SDK1: variants seen among roughly 807,000 people sequenced by gnomAD.
The protein encoded by SDK1 is sidekick cell adhesion molecule 1, also known as protein sidekick-1.
In SDK1, 157 loss-of-function variants were observed where a neutral mutation model predicts 245.5. The observed-to-expected ratio is 0.64, with a 90% CI of 0.56 to 0.73. The LOEUF (loss-of-function observed/expected upper bound fraction) is 0.73, where lower values mean the gene tolerates loss of function less well. SDK1 is among the 30% of genes least tolerant of loss of function. SDK1 has a pLI of 0.00. For missense variants in SDK1, 3,583 were observed against 3,002.3 expected, an observed-to-expected ratio of 1.19 and a Z score of -4.52; for synonymous variants, 1,647 against 1,278.5, an observed-to-expected ratio of 1.29 and a Z score of -6.15.
At chr7:3,541,021 T>C (rs1294006280) in intron 1 of SDK1, among the ~76,000 whole-genome samples, 1 of 152,204 alleles carries the variant, frequency 6.6e-6, no homozygotes, top group East Asian at 1.9e-4. Flanking sequence ...TTTCCTGTCA[T>C]GTTAACTACC....
chr7:3,958,169 A>G (rs1218995096), intron 7 of SDK1: 2 of 353,158 alleles, frequency 5.7e-6, no homozygotes, highest in Non-Finnish European at 5.5e-6. Flanking sequence ...TATCGCACAG[A>G]AAGTGAACAC....
intron 1 of SDK1, among the ~76,000 whole-genome samples, chr7:3,531,702 G>A (rs1330838827): frequency 1.3e-5 from 2 of 152,084 alleles, no homozygotes; most frequent in East Asian, 1.9e-4. Flanking sequence ...CCTCACCTAG[G>A]TAATGACAAT....
chr7:3,729,845 G>A (rs1017249490), intron 4 of SDK1, among the ~76,000 whole-genome samples: 3 of 151,208 alleles, frequency 2.0e-5, no homozygotes, highest in Non-Finnish European at 2.9e-5. Flanking sequence ...CTCGGTTCTC[G>A]GCCTTTTGGC....
intron 35 of SDK1, among the ~76,000 whole-genome samples, chr7:4,191,988 C>T (rs1783236714): frequency 6.6e-6 from 1 of 152,218 alleles, no homozygotes; most frequent in Non-Finnish European, 1.5e-5. Flanking sequence ...CAAACCCTCG[C>T]CCTGCTCCTC....
chr7:3,313,973 T>A (rs1269184486), intron 1 of SDK1, among the ~76,000 whole-genome samples: 3 of 152,210 alleles, frequency 2.0e-5, no homozygotes, highest in Non-Finnish European at 4.4e-5. Flanking sequence ...ATCTAATGCC[T>A]CAGTGAATAA....
intron 2 of SDK1, among the ~76,000 whole-genome samples, chr7:3,636,334 C>T (rs1318203850): frequency 6.6e-6 from 1 of 152,186 alleles, no homozygotes; most frequent in African/African-American, 2.4e-5. Flanking sequence ...TCTCATATGG[C>T]TGAAACTTCC....
At chr7:3,345,067 A>G (rs773015536) in intron 1 of SDK1, among the ~76,000 whole-genome samples, 1 of 152,250 alleles carries the variant, frequency 6.6e-6, no homozygotes, top group Non-Finnish European at 1.5e-5. Context: ...AAGCGTTTAT[A>G]GAAGTCTTTG....
chr7:3,772,773 C>G (rs905166831), intron 4 of SDK1, among the ~76,000 whole-genome samples: 4 of 152,148 alleles, frequency 2.6e-5, no homozygotes, highest in Non-Finnish European at 5.9e-5. Flanking sequence ...GTAACAAACT[C>G]CCTCAACTTT....
At chr7:4,228,492 G>T (rs1422280740) in intron 40 of SDK1, among the ~76,000 whole-genome samples, 1 of 152,226 alleles carries the variant, frequency 6.6e-6, no homozygotes, top group African/African-American at 2.4e-5. Flanking sequence ...GTGATCTGGG[G>T]ATGTGGCTTT....
At chr7:3,618,629 A>G (rs1277295461) in intron 1 of SDK1, among the ~76,000 whole-genome samples, 1 of 152,246 alleles carries the variant, frequency 6.6e-6, no homozygotes, top group Non-Finnish European at 1.5e-5. Flanking sequence ...GTTGCGATTC[A>G]TGTCGTTTAT....
chr7:3,479,239 T>C (rs1408513429), intron 1 of SDK1, among the ~76,000 whole-genome samples: 4 of 151,776 alleles, frequency 2.6e-5, no homozygotes, highest in Admixed American at 2.0e-4. Flanking sequence ...CTGGCCAACG[T>C]GGCAAAACCC....
At chr7:3,322,014 T>G (rs1779827609) in intron 1 of SDK1, among the ~76,000 whole-genome samples, 1 of 151,396 alleles carries the variant, frequency 6.6e-6, no homozygotes. Context: ...CTAAAGTTTT[T>G]TTTTTTTTTC....
At chr7:3,961,996 CACACAT>C (rs1162417905) in intron 8 of SDK1, among the ~76,000 whole-genome samples, 4 of 151,804 alleles carry the variant, frequency 2.6e-5, no homozygotes, top group Non-Finnish European at 4.4e-5. Context: ...CACAAACACA[CACACAT>C]ACACACATGT....
rs1784881926 is a variant in SDK1, at chr7:4,132,281, G to GT, written c.4130-44_4130-43insT. ...CTGTGTAACCTGTCACGCACCCAAG[G>GT]AACACTGTCTTGAGATCTGAATCCC... On this transcript the variant is annotated intron_variant, in intron 27 of 44. Coordinates refer to ENST00000404826, the MANE Select transcript of SDK1 (RefSeq NM_152744.4). 2.0e-6 allele frequency: 3 copies of GT among 1,491,222 alleles called. No homozygotes were observed. In the African/African-American group the frequency reaches 4.1e-5, roughly 21 times the overall value. 92.4% of individuals were successfully genotyped at this position (1,491,222 alleles called of 1,614,324 possible).
Position 3,933,913 on chromosome 7 carries a change from C to T in SDK1, c.848-17010C>T, listed in dbSNP as rs544257703. 1.8e-4 allele frequency among the ~76,000 whole-genome samples: 27 copies of T among 152,152 alleles called. No individual in the cohort carries two copies. The South Asian group carries it at 2.3e-3, about 13-fold the overall frequency. ...AGAAACCTGTCTCTCAAAAGGTTGG[C>T]GCTTGGTTCTGTGTGTTTTTCCCAT... is the stretch of plus-strand genomic sequence containing the variant. On this transcript the variant is annotated intron_variant, in intron 5 of 44. Coordinates refer to ENST00000404826, the MANE Select transcript of SDK1 (RefSeq NM_152744.4).
chr7:3,704,428 GT>G (rs1157106089), intron 4 of SDK1, among the ~76,000 whole-genome samples: 1 of 151,364 alleles, frequency 6.6e-6, no homozygotes, highest in Non-Finnish European at 1.5e-5. Flanking sequence ...TCTCACTGTA[GT>G]TTTAATTTGC....
At chr7:3,837,041 T>A (rs1012359845) in intron 5 of SDK1, among the ~76,000 whole-genome samples, 1 of 152,188 alleles carries the variant, frequency 6.6e-6, no homozygotes, top group Non-Finnish European at 1.5e-5. Context: ...CCTGTCCTCT[T>A]GTGTTAGAGA....
chr7:3,357,752 A>G (rs1253368315), intron 1 of SDK1, among the ~76,000 whole-genome samples: 1 of 151,982 alleles, frequency 6.6e-6, no homozygotes, highest in Non-Finnish European at 1.5e-5. Flanking sequence ...TGGTCATGAC[A>G]CAGAAACAAA....
intron 1 of SDK1, among the ~76,000 whole-genome samples, chr7:3,452,888 G>T (rs1780558919): frequency 6.6e-6 from 1 of 151,956 alleles, no homozygotes; most frequent in Non-Finnish European, 1.5e-5. Flanking sequence ...GTGATTCTTT[G>T]TTTTATTTTT....
Sources: gnomAD v4.1 joint callset for allele counts (sites outside exome capture counted in the v4.1 genomes callset) on GRCh38, gnomAD v4.1.1 for gene constraint, MANE v1.5 for transcripts, NCBI Gene and HGNC (gene_info 2026-07-23, HGNC 2026-07-21) for gene names.